Variants in LRRK1 observed in about 807,000 individuals in gnomAD.
LRRK1 encodes the protein leucine-rich repeat serine/threonine-protein kinase 1.
LRRK1 carries 113 observed loss-of-function variants against 209.1 expected under a neutral mutation model. That is an observed-to-expected ratio of 0.54 (90% CI 0.46 to 0.63). The LOEUF (loss-of-function observed/expected upper bound fraction) is 0.63. LRRK1 is among the 30% of genes least tolerant of loss of function. LRRK1 has a pLI of 0.00. For missense variants in LRRK1, 2,284 were observed against 2,632.2 expected (o/e 0.87, Z 2.89); for synonymous variants, 1,144 against 1,099.7 (o/e 1.04, Z -0.80).
chr15:101,007,869 A>G (rs1339191383), intron 6 of LRRK1, among the ~76,000 whole-genome samples: 2 of 152,132 alleles, frequency 1.3e-5, no homozygotes, highest in African/African-American at 2.4e-5. Flanking sequence ...GGTTGTTACT[A>G]GAGATAAGAA....
At chr15:101,034,841 TTGTC>T (rs1267027235) in intron 20 of LRRK1, among the ~76,000 whole-genome samples, 2 of 151,978 alleles carry the variant, frequency 1.3e-5, no homozygotes, top group African/African-American at 2.4e-5. Context: ...TTCTGGGAAT[TTGTC>T]TGTTTTTTTT....
At chr15:100,988,058 A>G (rs1223245026) in intron 4 of LRRK1, among the ~76,000 whole-genome samples, 1 of 152,220 alleles carries the variant, frequency 6.6e-6, no homozygotes, top group East Asian at 1.9e-4. Flanking sequence ...TGTCATATGC[A>G]ATTCAGAGAG....
At chr15:100,924,785 G>T (rs1352034880) in intron 2 of LRRK1, 56 bp downstream of exon 2, 3 of 1,334,502 alleles carry the variant, frequency 2.2e-6, no homozygotes, top group Admixed American at 1.7e-5. Flanking sequence ...TGCTCATCCT[G>T]CAGGGTGTCT....
intron 6 of LRRK1, among the ~76,000 whole-genome samples, chr15:100,995,956 C>G (rs2032387294): frequency 6.6e-6 from 1 of 152,230 alleles, no homozygotes. Context: ...TTCCTGGTGC[C>G]CCACCCTTCA....
chr15:100,933,151 C>T (rs1228145164), intron 2 of LRRK1, among the ~76,000 whole-genome samples: 3 of 152,326 alleles, frequency 2.0e-5, no homozygotes, highest in East Asian at 1.9e-4. Flanking sequence ...CCCTCTCCTG[C>T]GATCTCAATT....
chr15:101,051,686 T>C, intron 23 of LRRK1, 25 bp from the exon 24 acceptor site: 1 of 1,606,106 alleles, frequency 6.2e-7, no homozygotes, highest in Non-Finnish European at 8.5e-7. Flanking sequence ...CTTGTGAAGC[T>C]GTCTCCTGCT....
intron 2 of LRRK1, among the ~76,000 whole-genome samples, chr15:100,972,363 A>AGAGAGTGTGTGT (rs1176201849): frequency 1.5e-4 from 15 of 98,486 alleles, no homozygotes; most frequent in African/African-American, 7.4e-4. Flanking sequence ...AGAGAGAGAG[A>AGAGAGTGTGTGT]GTGTGTGTGT....
chr15:100,926,775 C>T (rs2042123856), intron 2 of LRRK1, among the ~76,000 whole-genome samples: 1 of 148,610 alleles, frequency 6.7e-6, no homozygotes, highest in South Asian at 2.1e-4. Context: ...ACTTCCACCT[C>T]CCAGGTTCAA....
chr15:100,934,221 G>C (rs1321291000), intron 2 of LRRK1, among the ~76,000 whole-genome samples: 1 of 152,162 alleles, frequency 6.6e-6, no homozygotes, highest in African/African-American at 2.4e-5. Context: ...AAATTACATA[G>C]AAAGCAACTT....
Position 101,022,471 on chromosome 15 carries a change from GC to G in LRRK1, c.1942del (p.Arg648AlafsTer114). 6.2e-7 allele frequency: 1 copy of G among 1,614,226 alleles called. No homozygotes were observed. Among genetic ancestry groups the G allele is most frequent in the Non-Finnish European group, 8.5e-7 (1 of 1,180,044 alleles). On this transcript the variant is annotated frameshift_variant, in exon 15 of 34. Transcript: ENST00000388948. LOFTEE classifies it high-confidence loss of function. The surrounding 1 kb of genome is among the most constrained non-coding windows in gnomAD (Gnocchi z 4.0). ...LMKMIIVGPP[R>X]QGKSTLLEIL... is the part of the protein sequence containing the mutation. ...TGAAGATGATCATCGTGGGTCCCCC[GC>G]GCCAGGGCAAGTCCACCCTCCTGGA...
intron 29 of LRRK1, 98 bp downstream of exon 29, chr15:101,058,239 T>TCG: frequency 7.9e-7 from 1 of 1,268,346 alleles, no homozygotes; most frequent in Non-Finnish European, 1.1e-6. Flanking sequence ...GTGAGAATTA[T>TCG]TTAGCAGACG....
At chr15:101,059,269 G>A (rs2036011145) in intron 29 of LRRK1, among the ~76,000 whole-genome samples, 1 of 152,090 alleles carries the variant, frequency 6.6e-6, no homozygotes, top group South Asian at 2.1e-4. Context: ...ATGGTGGCGA[G>A]CACCTGTAGT....
At chr15:101,042,085 T>G (rs2034788075) in intron 20 of LRRK1, among the ~76,000 whole-genome samples, 2 of 152,234 alleles carry the variant, frequency 1.3e-5, no homozygotes, top group South Asian at 4.1e-4. Context: ...TCAATAGTCT[T>G]TTAAGAAATT....
chr15:100,932,150 A>G (rs111256026), intron 2 of LRRK1, among the ~76,000 whole-genome samples: 1 of 151,968 alleles, frequency 6.6e-6, no homozygotes, highest in African/African-American at 2.4e-5. Flanking sequence ...CACGCCCAGC[A>G]AATTTTTGTA....
chr15:100,937,127 C>T (rs139006135), intron 2 of LRRK1, among the ~76,000 whole-genome samples: 1 of 152,254 alleles, frequency 6.6e-6, no homozygotes, highest in Admixed American at 6.5e-5. Context: ...TTATGCAATA[C>T]AATTTTTAGA....
intron 7 of LRRK1, 117 bp downstream of exon 7, chr15:101,009,180 A>G: frequency 1.2e-6 from 1 of 801,978 alleles, no homozygotes; most frequent in Non-Finnish European, 2.0e-6. Flanking sequence ...TGGCTAAAAT[A>G]GGAGAAGGAG....
chr15:101,031,955 C>T (rs1395072160), intron 20 of LRRK1, among the ~76,000 whole-genome samples: 1 of 152,148 alleles, frequency 6.6e-6, no homozygotes, highest in East Asian at 1.9e-4. Context: ...AGGATGGTCT[C>T]GATCTCCTGA....
At chr15:101,036,615 T>C (rs1316452448) in intron 20 of LRRK1, among the ~76,000 whole-genome samples, 1 of 152,234 alleles carries the variant, frequency 6.6e-6, no homozygotes, top group African/African-American at 2.4e-5. Flanking sequence ...ATAAATTTGT[T>C]CTTGATTAGG....
At chr15:100,934,816 A>G (rs2141601835) in intron 2 of LRRK1, among the ~76,000 whole-genome samples, 1 of 151,290 alleles carries the variant, frequency 6.6e-6, no homozygotes, top group South Asian at 2.1e-4. Context: ...AAAAAAAAAA[A>G]AAAAAAGGAA....
Sources: gnomAD v4.1 joint callset for allele counts (sites outside exome capture counted in the v4.1 genomes callset) on GRCh38, gnomAD v4.1.1 for gene constraint, Gnocchi (gnomAD v3.1) non-coding constraint, MANE v1.5 for transcripts, NCBI Gene and HGNC (gene_info 2026-07-23, HGNC 2026-07-21) for gene names.